FXR1: variants seen among roughly 807,000 people sequenced by gnomAD.
FXR1 encodes the protein FMR1 autosomal homolog 1.
In FXR1, 15 loss-of-function variants were observed where a neutral mutation model predicts 84.0. The ratio of observed to expected loss-of-function variants is 0.18; its 90% confidence interval spans 0.12 to 0.27. The LOEUF (loss-of-function observed/expected upper bound fraction) is 0.27. Ranked by LOEUF, FXR1 falls within the 10% of genes least tolerant of loss-of-function variation. The probability of loss-of-function intolerance (pLI) is 1.00; values close to 1 mark genes in which losing one functional copy is unlikely to be tolerated. For missense variants in FXR1, 480 were observed against 774.4 expected, an observed-to-expected ratio of 0.62 and a Z score of 4.51; for synonymous variants, 245 against 250.7, an observed-to-expected ratio of 0.98 and a Z score of 0.21.
At chr3:180,941,938 G>A (rs1721167241) in intron 3 of FXR1, among the ~76,000 whole-genome samples, 1 of 152,114 alleles carries the variant, frequency 6.6e-6, no homozygotes, top group African/African-American at 2.4e-5. Flanking sequence ...TATTTCACAT[G>A]TTGAAAATGG....
chr3:180,944,499 A>T (rs13083851), intron 3 of FXR1, among the ~76,000 whole-genome samples: 25,862 of 151,426 alleles, frequency 0.17, 2,449 homozygotes, highest in South Asian at 0.25. Flanking sequence ...TTAAAAAAAA[A>T]TTTTTTTTAT....
At position 180,977,618 on chromosome 3, in the gene FXR1, AAC is replaced by A. The variant is rs1041648286; in HGVS notation, c.*1328_*1329del. ...AAAGACATGAAGTTTAACAATGGAC[AAC>A]AGTTAGTACAGCTAATTGTGAGGTC... is the stretch of plus-strand genomic sequence containing the variant. On this transcript the variant is annotated 3_prime_UTR_variant, in exon 17 of 17. Coordinates refer to ENST00000357559, the MANE Select transcript of FXR1 (RefSeq NM_005087.4). The A allele has an allele frequency of 2.6e-5, 4 of 152,152 alleles. No individual in the cohort carries two copies. Among genetic ancestry groups the A allele is most frequent in the African/African-American group, 4.8e-5 (2 of 41,458 alleles). The allele number at this position is 152,152 out of a possible 1,614,324, so 9.4% of individuals were successfully genotyped here.
At chr3:180,929,427 AACAAG>A (rs1177015904) in intron 1 of FXR1, among the ~76,000 whole-genome samples, 2 of 152,224 alleles carry the variant, frequency 1.3e-5, no homozygotes, top group Admixed American at 6.5e-5. Context: ...TGTGCGAGTG[AACAAG>A]ACAAGTGACC....
intron 8 of FXR1, among the ~76,000 whole-genome samples, chr3:180,953,092 A>G (rs1468397903): frequency 6.6e-6 from 1 of 152,032 alleles, no homozygotes; most frequent in Non-Finnish European, 1.5e-5. Flanking sequence ...ATCCTCCTAT[A>G]TTGGCCTCCC....
intron 3 of FXR1, among the ~76,000 whole-genome samples, chr3:180,941,107 G>C (rs1409971854): frequency 2.0e-5 from 3 of 151,684 alleles, no homozygotes; most frequent in African/African-American, 4.8e-5. Flanking sequence ...GGCGCCTTGA[G>C]AGAAATTGGA....
intron 9 of FXR1, 200 bp from the exon 10 acceptor site, chr3:180,957,619 G>A (rs577886308): frequency 1.4e-4 from 65 of 463,944 alleles, no homozygotes; most frequent in South Asian, 1.0e-3. Flanking sequence ...AACCTTAGGC[G>A]TGCTGAAAGA....
intron 1 of FXR1, among the ~76,000 whole-genome samples, chr3:180,928,979 A>G (rs1003925969): frequency 3.0e-4 from 46 of 151,730 alleles, no homozygotes; most frequent in African/African-American, 8.2e-4. Flanking sequence ...CTGGAGTGCA[A>G]TGCGCTTTCT....
chr3:180,958,223 T>G (rs999815952), intron 10 of FXR1, among the ~76,000 whole-genome samples: 3 of 152,174 alleles, frequency 2.0e-5, no homozygotes, highest in Non-Finnish European at 4.4e-5. Context: ...CTGTAGAACT[T>G]GATACTCCAA....
At chr3:180,940,002 A>C (rs1160144335) in intron 3 of FXR1, among the ~76,000 whole-genome samples, 3 of 152,204 alleles carry the variant, frequency 2.0e-5, no homozygotes, top group Non-Finnish European at 2.9e-5. Flanking sequence ...TGTTACATTA[A>C]AAATATATTG....
intron 13 of FXR1, among the ~76,000 whole-genome samples, chr3:180,965,163 T>C (rs1712660437): frequency 2.0e-5 from 3 of 151,976 alleles, no homozygotes; most frequent in African/African-American, 4.8e-5. Context: ...ATTACAGGCA[T>C]GCACCACCAT....
At chr3:180,931,905 A>T (rs1334738545) in intron 1 of FXR1, among the ~76,000 whole-genome samples, 1 of 151,170 alleles carries the variant, frequency 6.6e-6, no homozygotes, top group Non-Finnish European at 1.5e-5. Context: ...GGCCTGGCTA[A>T]TTTTTTTATA....
chr3:180,960,488 C>CA (rs1250097596), intron 10 of FXR1, among the ~76,000 whole-genome samples: 1 of 152,138 alleles, frequency 6.6e-6, no homozygotes, highest in African/African-American at 2.4e-5. Flanking sequence ...TTTCTGGAGA[C>CA]AGATTCTTGC....
chr3:180,955,341 G>A (rs376046285), intron 9 of FXR1, among the ~76,000 whole-genome samples: 50 of 152,260 alleles, frequency 3.3e-4, no homozygotes, highest in Non-Finnish European at 5.6e-4. Context: ...GGATAGGTAT[G>A]ACATTACTGC....
intron 13 of FXR1, among the ~76,000 whole-genome samples, chr3:180,965,780 A>G (rs2108488291): frequency 6.6e-6 from 1 of 152,336 alleles, no homozygotes; most frequent in East Asian, 1.9e-4. Flanking sequence ...AATGTTGAGC[A>G]CTAGCCAATA....
At chr3:180,950,792 G>T (rs139008456) in intron 7 of FXR1, among the ~76,000 whole-genome samples, 1 of 152,248 alleles carries the variant, frequency 6.6e-6, no homozygotes, top group Non-Finnish European at 1.5e-5. Context: ...TGTAGCATGT[G>T]TCAGAATTTC....
intron 6 of FXR1, among the ~76,000 whole-genome samples, 198 bp from the exon 7 acceptor site, chr3:180,949,025 CCAAT>C (rs767679221): frequency 2.6e-5 from 4 of 152,044 alleles, no homozygotes; most frequent in Admixed American, 1.3e-4. Context: ...GGATTTTTCC[CCAAT>C]CAAACATATT....
intron 3 of FXR1, among the ~76,000 whole-genome samples, chr3:180,938,683 G>C (rs1217260729): frequency 6.6e-6 from 1 of 151,806 alleles, no homozygotes; most frequent in East Asian, 1.9e-4. Context: ...CTAGTAGCTG[G>C]GATTACAGGC....
intron 1 of FXR1, chr3:180,927,963 T>C (rs1391362080): frequency 7.2e-6 from 2 of 278,846 alleles, no homozygotes; most frequent in African/African-American, 2.2e-5. Context: ...GCTTTTATAT[T>C]TTAGCTTCTG....
chr3:180,930,367 G>A (rs1719744899), intron 1 of FXR1, among the ~76,000 whole-genome samples: 1 of 152,170 alleles, frequency 6.6e-6, no homozygotes, highest in African/African-American at 2.4e-5. Context: ...TTGTGGGAAA[G>A]GTGGAAGTGG....
Sources: allele counts gnomAD v4.1 joint callset (sites outside exome capture counted in the v4.1 genomes callset), GRCh38; gene constraint gnomAD v4.1.1; transcripts MANE v1.5; gene names NCBI Gene and HGNC (gene_info 2026-07-23, HGNC 2026-07-21).